Variants in ZNF33B observed in about 807,000 individuals in gnomAD.
ZNF33B encodes zinc finger protein 33B.
A neutral mutation model predicts 45.8 loss-of-function variants in ZNF33B; 29 were observed. The observed-to-expected ratio is 0.63, with a 90% CI of 0.47 to 0.86. The LOEUF is 0.86. Among genes scored for constraint, ZNF33B ranks in the 40% least tolerant of loss-of-function variants. ZNF33B has a pLI of 0.00. For synonymous variants in ZNF33B, 305 were observed against 307.8 expected (o/e 0.99, Z 0.10); for missense variants, 831 against 909.9 (o/e 0.91, Z 1.12).
intron 4 of ZNF33B, among the ~76,000 whole-genome samples, chr10:42,618,584 A>C (rs960518877): frequency 2.0e-5 from 3 of 152,206 alleles, no homozygotes; most frequent in African/African-American, 7.2e-5. Flanking sequence ...AATCTTCACC[A>C]GCACTTGTAT....
Position 42,594,132 on chromosome 10 carries a change from C to T in ZNF33B, c.818G>A (p.Ser273Asn). ...LFHQIPPSKD[S>N]HYEFSDCEKF... ...CTCACAATCACTAAATTCATAGTGACTGTCCTTTGATGGAGGTATCTGATG... is the reference window on the plus strand; with the variant it reads ...CTCACAATCACTAAATTCATAGTGATTGTCCTTTGATGGAGGTATCTGATG... The change falls in exon 5 of 5, where the codon AGT becomes AAT. Residue 273 changes from serine to asparagine, a missense_variant. By Grantham distance (46) the Ser-to-Asn change is conservative. Transcript: ENST00000359467. The T allele has an allele frequency of 8.1e-6, 13 of 1,613,906 alleles. No homozygotes were observed. The highest frequency in any genetic ancestry group is 1.1e-5 in the Non-Finnish European group (13 of 1,179,910).
chr10:42,577,132 CAAAAAAAA>C (rs71014272), intron 1 of ZNF33B, among the ~76,000 whole-genome samples: 374 of 81,662 alleles, frequency 4.6e-3, no homozygotes, highest in Middle Eastern at 0.036. Context: ...GACTCCATCT[CAAAAAAAA>C]AAAAAAAAAA....
At chr10:42,576,656 G>A (rs1447459580) in intron 1 of ZNF33B, among the ~76,000 whole-genome samples, 14 of 152,180 alleles carry the variant, frequency 9.2e-5, no homozygotes, top group Admixed American at 7.9e-4. Flanking sequence ...TTCTGATTCC[G>A]TGGGTCTGGA....
intron 1 of ZNF33B, among the ~76,000 whole-genome samples, chr10:42,574,875 AT>A (rs1836724869): frequency 6.6e-6 from 1 of 152,174 alleles, no homozygotes; most frequent in Non-Finnish European, 1.5e-5. Context: ...TTTCAAATTG[AT>A]TTAGATTAGC....
intron 4 of ZNF33B, among the ~76,000 whole-genome samples, chr10:42,596,563 C>T (rs1459639933): frequency 6.6e-6 from 1 of 152,046 alleles, no homozygotes; most frequent in Non-Finnish European, 1.5e-5. Flanking sequence ...AACATGTCAG[C>T]AATATTGAGC....
chr10:42,625,742 G>A (rs1489122139), intron 4 of ZNF33B, among the ~76,000 whole-genome samples: 1 of 152,230 alleles, frequency 6.6e-6, no homozygotes, highest in Non-Finnish European at 1.5e-5. Context: ...CAAAGTACTG[G>A]GATTATAGGC....
chr10:42,575,474 AC>A (rs1297286861), intron 1 of ZNF33B, among the ~76,000 whole-genome samples: 1 of 151,624 alleles, frequency 6.6e-6, no homozygotes, highest in African/African-American at 2.4e-5. Context: ...TGTTTTTTTA[AC>A]CCCCCAGTTT....
chr10:42,585,774 T>C (rs1419083262), downstream of ZNF33B, among the ~76,000 whole-genome samples: 1 of 152,212 alleles, frequency 6.6e-6, no homozygotes. Flanking sequence ...TATAAATAAA[T>C]TTTTTGGCAA....
chr10:42,574,582 C>T (rs943110959), exon 2 of ZNF33B: 2 of 151,934 alleles, frequency 1.3e-5, no homozygotes, highest in African/African-American at 4.8e-5. Context: ...TCATATCTTC[C>T]ATATCTTCTC....
chr10:42,612,233 A>ATTTTTTTT (rs59259404), intron 4 of ZNF33B, among the ~76,000 whole-genome samples: 1 of 119,342 alleles, frequency 8.4e-6, no homozygotes, highest in Non-Finnish European at 1.6e-5. Flanking sequence ...ACAGAAGTTG[A>ATTTTTTTT]TTTTTTTTTT....
chr10:42,578,937 G>A (rs10793628), intron 1 of ZNF33B, among the ~76,000 whole-genome samples: 1 of 152,154 alleles, frequency 6.6e-6, no homozygotes, highest in African/African-American at 2.4e-5. Context: ...TTTACAAGGA[G>A]TGACATAGAT....
At chr10:42,637,684 C>T (rs1263223134) in intron 1 of ZNF33B, among the ~76,000 whole-genome samples, 6 of 152,104 alleles carry the variant, frequency 3.9e-5, no homozygotes, top group Admixed American at 3.9e-4. Flanking sequence ...GTTTTTGAGA[C>T]GGAGTTTCGT....
chr10:42,622,420 T>C (rs1211103516), intron 4 of ZNF33B, among the ~76,000 whole-genome samples: 1 of 152,136 alleles, frequency 6.6e-6, no homozygotes, highest in Admixed American at 6.5e-5. Context: ...ACTCAAAACG[T>C]CCAATTTCAC....
chr10:42,587,615 T>C (rs768184648), downstream of ZNF33B, among the ~76,000 whole-genome samples: 1 of 152,180 alleles, frequency 6.6e-6, no homozygotes, highest in Non-Finnish European at 1.5e-5. Context: ...TCACTCTCCC[T>C]ATGATAATGG....
At chr10:42,625,184 T>C (rs1838751908) in intron 4 of ZNF33B, among the ~76,000 whole-genome samples, 1 of 152,068 alleles carries the variant, frequency 6.6e-6, no homozygotes, top group Non-Finnish European at 1.5e-5. Context: ...CTGGCCTACT[T>C]ACAAAGTTGA....
chr10:42,584,590 G>A (rs185656730), downstream of ZNF33B, among the ~76,000 whole-genome samples: 59 of 151,600 alleles, frequency 3.9e-4, no homozygotes, highest in South Asian at 1.5e-3. Context: ...GCACCATCTC[G>A]GCTCACTGCA....
rs745383101 is a variant in ZNF33B at position 42,593,102 on chromosome 10, T to C, written c.1848A>G (p.Lys616=). The C allele has an allele frequency of 3.7e-6, 6 of 1,614,074 alleles. No homozygotes were observed. Among genetic ancestry groups the C allele is most frequent in the Non-Finnish European group, 5.1e-6 (6 of 1,179,978 alleles). Residue 616 remains lysine (K), a synonymous_variant, in exon 5 of 5, where the codon AAA becomes AAG. Transcript: ENST00000359467. The part of the protein sequence containing the change: ...EKPYECNECG[K]TFCQKSQLTQ... Reference sequence around the variant, plus strand: ...TGAGTTGTGACTTCTGGCAGAAGGTTTTTCCACATTCATTACATTCATAGG... The same window carrying C: ...TGAGTTGTGACTTCTGGCAGAAGGTCTTTCCACATTCATTACATTCATAGG...
intron 4 of ZNF33B, among the ~76,000 whole-genome samples, chr10:42,616,137 CAGG>C (rs1389867479): frequency 2.0e-5 from 3 of 151,698 alleles, no homozygotes; most frequent in African/African-American, 4.8e-5. Flanking sequence ...GAGACTAAGG[CAGG>C]AGAATTGGCT....
intron 1 of ZNF33B, among the ~76,000 whole-genome samples, chr10:42,576,328 T>A (rs1452473512): frequency 1.2e-4 from 19 of 152,130 alleles, no homozygotes; most frequent in Admixed American, 6.5e-5. Flanking sequence ...ACATATTGAT[T>A]TTTAGCTAAT....
Sources: gnomAD v4.1 joint callset for allele counts (sites outside exome capture counted in the v4.1 genomes callset) on GRCh38, gnomAD v4.1.1 for gene constraint, MANE v1.5 for transcripts, NCBI Gene and HGNC (gene_info 2026-07-23, HGNC 2026-07-21) for gene names.